The following RBFOX1 variants were observed in gnomAD, a reference collection of about 807,000 sequenced individuals.
RBFOX1 encodes the protein RNA binding protein fox-1 homolog 1.
Under a neutral mutation model 57.7 loss-of-function variants are expected in RBFOX1, and 8 were observed. The ratio of observed to expected loss-of-function variants is 0.14; its 90% confidence interval spans 0.08 to 0.25. The LOEUF is 0.25. RBFOX1 is among the 10% of genes least tolerant of loss of function. The probability of loss-of-function intolerance (pLI) is 1.00; values close to 1 mark genes in which losing one functional copy is unlikely to be tolerated. For synonymous variants in RBFOX1, 326 were observed against 222.4 expected, an observed-to-expected ratio of 1.47 and a Z score of -4.15; for missense variants, 611 against 548.5, an observed-to-expected ratio of 1.11 and a Z score of -1.14.
chr16:6,297,487 G>T (rs1381861755), intron 1 of RBFOX1, among the ~76,000 whole-genome samples: 2 of 152,080 alleles, frequency 1.3e-5, no homozygotes, highest in Non-Finnish European at 2.9e-5. Context: ...TTTATAAAAT[G>T]CCTGTGAATG....
chr16:6,275,067 C>T (rs946895814), intron 1 of RBFOX1, among the ~76,000 whole-genome samples: 30 of 152,284 alleles, frequency 2.0e-4, no homozygotes, highest in African/African-American at 6.3e-4. Flanking sequence ...TGTCTGGTCA[C>T]ACCTATCCCA....
chr16:6,842,566 C>T (rs1302050204), intron 3 of RBFOX1, among the ~76,000 whole-genome samples: 1 of 151,592 alleles, frequency 6.6e-6, no homozygotes, highest in Non-Finnish European at 1.5e-5. Flanking sequence ...AATGGCTCTG[C>T]AGTGTTCCAT....
At chr16:6,331,209 G>C (rs896160687) in intron 2 of RBFOX1, among the ~76,000 whole-genome samples, 2 of 152,142 alleles carry the variant, frequency 1.3e-5, no homozygotes, top group South Asian at 4.1e-4. Context: ...CCAGCACTTC[G>C]GGAGGCCAAG....
At chr16:6,339,347 C>A (rs2084201380) in intron 2 of RBFOX1, among the ~76,000 whole-genome samples, 1 of 152,162 alleles carries the variant, frequency 6.6e-6, no homozygotes, top group Admixed American at 6.5e-5. Flanking sequence ...CTGATGTGTG[C>A]AGCAAGTCAA....
At chr16:6,186,033 G>A (rs1467429029) in intron 1 of RBFOX1, among the ~76,000 whole-genome samples, 2 of 152,020 alleles carry the variant, frequency 1.3e-5, no homozygotes, top group Non-Finnish European at 2.9e-5. Flanking sequence ...CTCCTTGGAT[G>A]TGTGTTTCTT....
intron 4 of RBFOX1, among the ~76,000 whole-genome samples, chr16:7,204,849 T>G (rs1376849454): frequency 2.0e-5 from 3 of 152,196 alleles, no homozygotes; most frequent in African/African-American, 7.2e-5. Flanking sequence ...TTTCTGGCAT[T>G]CGCCATTCTA....
At chr16:6,236,323 A>G (rs1332215964) in intron 1 of RBFOX1, among the ~76,000 whole-genome samples, 1 of 152,208 alleles carries the variant, frequency 6.6e-6, no homozygotes, top group Non-Finnish European at 1.5e-5. Flanking sequence ...AACAGGACTA[A>G]TAGTACCTAA....
chr16:5,817,838 C>A (rs760551056), intron 3 of RBFOX1, among the ~76,000 whole-genome samples: 1 of 151,922 alleles, frequency 6.6e-6, no homozygotes, highest in Non-Finnish European at 1.5e-5. Flanking sequence ...CTACAGGCAC[C>A]CACCACCATG....
chr16:5,322,357 C>A (rs2064434093), intron 1 of RBFOX1, among the ~76,000 whole-genome samples: 1 of 152,102 alleles, frequency 6.6e-6, no homozygotes, highest in Non-Finnish European at 1.5e-5. Flanking sequence ...CAGAGATGTT[C>A]TAGGAACTGG....
At chr16:5,910,658 C>T (rs2042418) in intron 4 of RBFOX1, among the ~76,000 whole-genome samples, 40,942 of 152,064 alleles carry the variant, frequency 0.27, 6,312 homozygotes, top group East Asian at 0.47. Flanking sequence ...GAGGGTTTCT[C>T]AGCCTTTGCT....
At chr16:7,298,775 A>T (rs986659128) in intron 4 of RBFOX1, among the ~76,000 whole-genome samples, 1 of 152,230 alleles carries the variant, frequency 6.6e-6, no homozygotes, top group African/African-American at 2.4e-5. Context: ...CATATTTACT[A>T]TTGATCAAGT....
chr16:6,531,183 GT>G (rs1599027397), intron 2 of RBFOX1, among the ~76,000 whole-genome samples: 1 of 152,094 alleles, frequency 6.6e-6, no homozygotes, highest in African/African-American at 2.4e-5. Context: ...TCTGCCCCCG[GT>G]TTTTCCCAAA....
intron 2 of RBFOX1, among the ~76,000 whole-genome samples, chr16:6,578,548 C>G (rs1026204962): frequency 7.6e-6 from 1 of 131,558 alleles, no homozygotes; most frequent in Non-Finnish European, 1.7e-5. Context: ...GTCCTAAACT[C>G]CAAACATTGT....
At chr16:5,646,979 C>A (rs548974907) in intron 3 of RBFOX1, among the ~76,000 whole-genome samples, 1 of 152,086 alleles carries the variant, frequency 6.6e-6, no homozygotes, top group Non-Finnish European at 1.5e-5. Flanking sequence ...GAAAGGGGAG[C>A]GCAGCCGGCG....
chr16:5,973,055 G>T (rs1245845551), intron 4 of RBFOX1, among the ~76,000 whole-genome samples: 1 of 152,136 alleles, frequency 6.6e-6, no homozygotes, highest in Admixed American at 6.5e-5. Flanking sequence ...ATGTACCAAA[G>T]GTGTGTGGCA....
chr16:7,113,950 T>C (rs951960824), intron 4 of RBFOX1, among the ~76,000 whole-genome samples: 5 of 152,112 alleles, frequency 3.3e-5, no homozygotes, highest in African/African-American at 9.7e-5. Flanking sequence ...ATACTTGAGC[T>C]TTAAAAAAAA....
intron 4 of RBFOX1, among the ~76,000 whole-genome samples, chr16:7,440,023 C>G (rs1374018720): frequency 6.8e-6 from 1 of 147,862 alleles, no homozygotes; most frequent in African/African-American, 2.5e-5. Context: ...GAGATCACAG[C>G]TCACAGCAGC....
At chr16:6,477,465 G>C (rs1197080568) in intron 2 of RBFOX1, among the ~76,000 whole-genome samples, 2 of 152,198 alleles carry the variant, frequency 1.3e-5, no homozygotes, top group Non-Finnish European at 2.9e-5. Context: ...TCAATGAGCA[G>C]TAATATTTTT....
At chr16:6,432,998 C>T (rs949671448) in intron 2 of RBFOX1, among the ~76,000 whole-genome samples, 5 of 151,990 alleles carry the variant, frequency 3.3e-5, no homozygotes, top group Admixed American at 3.3e-4. Context: ...ATAATGATAA[C>T]AATAACAATA....
Sources: gnomAD v4.1 joint callset for allele counts (sites outside exome capture counted in the v4.1 genomes callset) on GRCh38, gnomAD v4.1.1 for gene constraint, MANE v1.5 for transcripts, NCBI Gene and HGNC (gene_info 2026-07-23, HGNC 2026-07-21) for gene names.